Variants in TIRAP observed in about 807,000 individuals in gnomAD.
TIRAP encodes TIR domain containing adaptor protein.
A neutral mutation model predicts 19.8 loss-of-function variants in TIRAP; 20 were observed. The observed-to-expected ratio is 1.01, with a 90% CI of 0.71 to 1.47. The LOEUF is 1.47. Among genes scored for constraint, TIRAP ranks in the 40% most tolerant of loss-of-function variants. TIRAP has a pLI of 0.00. For missense variants in TIRAP, 276 were observed against 285.1 expected, an observed-to-expected ratio of 0.97 and a Z score of 0.23; for synonymous variants, 125 against 121.7, an observed-to-expected ratio of 1.03 and a Z score of -0.18.
In TIRAP at chr11:126,294,725, A is replaced by T; in HGVS notation, c.*1038A>T. The stretch of plus-strand genomic sequence containing the variant: ...CCCCCTCTCACTTCTCCCTATCATG[A>T]CCCCTCTTTTGCTGAAAAAAATTTT... On this transcript the variant is annotated 3_prime_UTR_variant, in exon 5 of 5. Coordinates refer to ENST00000392679, the MANE Select transcript of TIRAP (RefSeq NM_001318777.2). 3 of 281,272 alleles carry T rather than the reference A, an allele frequency of 1.1e-5. No homozygotes were observed. Among genetic ancestry groups the T allele is most frequent in the Non-Finnish European group, 2.1e-5 (3 of 139,600 alleles). The allele number at this position is 281,272 out of a possible 1,614,324, so 17.4% of individuals were successfully genotyped here. A position where few individuals can be genotyped will look rare whatever the true frequency, so the allele number is the denominator to read the frequency against.
At position 126,287,560 on chromosome 11, in the gene TIRAP, C is replaced by G. The variant is rs1183281277; in HGVS notation, c.-216-2902C>G. 6.6e-6 allele frequency among the ~76,000 whole-genome samples: 1 copy of G among 151,996 alleles called. No individual in the cohort carries two copies. The highest frequency in any genetic ancestry group is 6.5e-5 in the Admixed American group (1 of 15,270). ...GATCTCAAATTCCTGACCTCATGAT[C>G]CGCCCACCTCGGCCTCCCAAAGTGC... On this transcript the variant is annotated intron_variant, in intron 1 of 4. Coordinates refer to ENST00000392679, the MANE Select transcript of TIRAP (RefSeq NM_001318777.2). The surrounding 1 kb of genome is among the most constrained non-coding windows in gnomAD (Gnocchi z 4.2).
In TIRAP at chr11:126,291,204, T is replaced by C; in HGVS notation, c.67+243T>C. The C allele has an allele frequency of 1.6e-6, 1 of 616,776 alleles. No individual in the cohort carries two copies. The highest frequency in any genetic ancestry group is 1.8e-5 in the African/African-American group (1 of 54,204). 38.2% of individuals were successfully genotyped at this position (616,776 alleles called of 1,614,324 possible). A position where few individuals can be genotyped will look rare whatever the true frequency, so the allele number is the denominator to read the frequency against. The stretch of plus-strand genomic sequence containing the variant: ...GGTTTTCCAGGCCTGCTCAGCTAGC[T>C]TTCCTAGCCTGGAAACCACTGTGCT... On this transcript the variant is annotated intron_variant, in intron 3 of 4. Transcript: ENST00000392679. This position sits in a 1 kb window ranked among gnomAD's most constrained non-coding sequence, Gnocchi z 5.6.
In TIRAP at chr11:126,293,000, C is replaced by A. The variant is rs758804211; in HGVS notation, c.591C>A (p.Val197=). ...YPPELRFMYY[V]DGRGPDGGFR... is the part of the protein sequence containing the mutation. ...CTGAGCTCCGATTCATGTACTACGT[C>A]GATGGCAGGGGCCCTGATGGTGGCT... is the stretch of plus-strand genomic sequence containing the variant. Residue 197 remains valine (V), a synonymous_variant, in exon 4 of 5, where the codon GTC becomes GTA. Transcript: ENST00000392679. 3.7e-6 allele frequency: 6 copies of A among 1,614,144 alleles called. No homozygotes were observed. Among genetic ancestry groups the A allele is most frequent in the South Asian group, 1.1e-5 (1 of 91,078 alleles).
In TIRAP at chr11:126,294,550, C is replaced by T. The variant is rs1177921496; in HGVS notation, c.*863C>T. 2.2e-6 allele frequency: 1 copy of T among 456,314 alleles called. No homozygotes were observed. Among genetic ancestry groups the T allele is most frequent in the Non-Finnish European group, 4.4e-6 (1 of 226,974 alleles). 28.3% of individuals were successfully genotyped at this position (456,314 alleles called of 1,614,324 possible). A position where few individuals can be genotyped will look rare whatever the true frequency, so the allele number is the denominator to read the frequency against. ...CTGATACTTTCACAGTCACCATCTT[C>T]ACCTTTGGACTGGGAAGAATCACCA... On this transcript the variant is annotated 3_prime_UTR_variant, in exon 5 of 5. Transcript: ENST00000392679.
In TIRAP at chr11:126,290,752, G is replaced by A. The variant is rs1201341452; in HGVS notation, c.-92-51G>A. The A allele has an allele frequency of 2.8e-6, 4 of 1,436,694 alleles. No individual in the cohort carries two copies. The highest frequency in any genetic ancestry group is 5.5e-5 in the East Asian group (2 of 36,106). The allele number at this position is 1,436,694 out of a possible 1,614,324, so 89.0% of individuals were successfully genotyped here. A position where few individuals can be genotyped will look rare whatever the true frequency, so the allele number is the denominator to read the frequency against. On this transcript the variant is annotated intron_variant, in intron 2 of 4. Coordinates refer to ENST00000392679, the MANE Select transcript of TIRAP (RefSeq NM_001318777.2). This position sits in a 1 kb window ranked among gnomAD's most constrained non-coding sequence, Gnocchi z 4.9. The stretch of plus-strand genomic sequence containing the variant: ...TTCGCAGAGCTCATCCATGGGGAAT[G>A]AGAGCAGGGTAAGTGCAGCCTTTGT...
chr11:126,291,027 C>A lies in TIRAP; in HGVS notation c.67+66C>A. ...TGTAGTGCTCAGCCTCCATAGGGCG[C>A]GGTGGGAGGCCTGCCTGGTCCAAAC... On this transcript the variant is annotated intron_variant, in intron 3 of 4. Transcript: ENST00000392679. This position sits in a 1 kb window ranked among gnomAD's most constrained non-coding sequence, Gnocchi z 5.6. 1 of 1,523,990 alleles carries A rather than the reference C, an allele frequency of 6.6e-7. No homozygotes were observed. The highest frequency in any genetic ancestry group is 8.8e-7 in the Non-Finnish European group (1 of 1,131,586). The allele number at this position is 1,523,990 out of a possible 1,614,324, so 94.4% of individuals were successfully genotyped here.
chr11:126,285,512 G>A (rs958393826), intron 1 of TIRAP, among the ~76,000 whole-genome samples: 1 of 151,192 alleles, frequency 6.6e-6, no homozygotes, highest in East Asian at 2.0e-4. Flanking sequence ...CGCCCGCCTC[G>A]GCCTCCCAAA....
chr11:126,287,332 A>G lies in TIRAP; in HGVS notation c.-216-3130A>G, dbSNP rs12808955. 7.1e-6 allele frequency among the ~76,000 whole-genome samples: 1 copy of G among 141,622 alleles called. No homozygotes were observed. The highest frequency in any genetic ancestry group is 2.0e-4 in the East Asian group (1 of 4,932). 92.9% of individuals were successfully genotyped at this position (141,622 alleles called of 152,430 possible). ...ATACACTTTGGATTTTTTTTTTTTTATTTTTGAGACTTGAGTCTTGCTCTG... is the reference window on the plus strand; with the variant it reads ...ATACACTTTGGATTTTTTTTTTTTTGTTTTTGAGACTTGAGTCTTGCTCTG... On this transcript the variant is annotated intron_variant, in intron 1 of 4. Transcript: ENST00000392679. This position sits in a 1 kb window ranked among gnomAD's most constrained non-coding sequence, Gnocchi z 4.2.
chr11:126,289,013 C>T (rs1189832981), intron 1 of TIRAP, among the ~76,000 whole-genome samples: 2 of 152,186 alleles, frequency 1.3e-5, no homozygotes, highest in East Asian at 1.9e-4. Context: ...AAATCCCAAG[C>T]ATATTAGGAA....
intron 1 of TIRAP, among the ~76,000 whole-genome samples, chr11:126,285,423 A>C (rs1358794892): frequency 6.6e-6 from 1 of 151,302 alleles, no homozygotes; most frequent in African/African-American, 2.4e-5. Context: ...CACCACACCC[A>C]GCTAATTTTT....
rs565039182 is a variant in TIRAP at position 126,294,746 on chromosome 11, A to G, written c.*1059A>G. On this transcript the variant is annotated 3_prime_UTR_variant, in exon 5 of 5. Coordinates refer to ENST00000392679, the MANE Select transcript of TIRAP (RefSeq NM_001318777.2). ...CATGACCCCTCTTTTGCTGAAAAAA[A>G]TTTTTATTATTTTTTCTATCTCTAG... 3.5e-6 allele frequency: 1 copy of G among 288,638 alleles called. No individual in the cohort carries two copies. Among genetic ancestry groups the G allele is most frequent in the Admixed American group, 4.8e-5 (1 of 20,884 alleles). 17.9% of individuals were successfully genotyped at this position (288,638 alleles called of 1,614,324 possible).
chr11:126,293,526 T>C, intron 4 of TIRAP, 142 bp from the exon 5 acceptor site: 2 of 990,738 alleles, frequency 2.0e-6, no homozygotes. Context: ...AAGAAGTGCA[T>C]ATAAGTGTAT....
rs1452870765 is a variant in TIRAP, at chr11:126,288,333, C to CCAACT, written c.-216-2127_-216-2126insACTCA. The CCAACT allele has an allele frequency of 6.6e-6, 1 of 152,204 alleles. No homozygotes were observed. The allele number at this position is 152,204 out of a possible 1,614,324, so 9.4% of individuals were successfully genotyped here. A position where few individuals can be genotyped will look rare whatever the true frequency, so the allele number is the denominator to read the frequency against. On this transcript the variant is annotated intron_variant, in intron 1 of 4. Coordinates refer to ENST00000392679, the MANE Select transcript of TIRAP (RefSeq NM_001318777.2). The surrounding 1 kb of genome is among the most constrained non-coding windows in gnomAD (Gnocchi z 5.0). ...TAGGCAGAGCTAGTGAGTAGAGCTT[C>CCAACT]CAGTTGGAGATTTGGGTTCATTACC...
rs1268282593 is a variant in TIRAP at position 126,292,686 on chromosome 11, A to G, written c.277A>G (p.Ser93Gly). 6.8e-6 allele frequency: 11 copies of G among 1,613,980 alleles called. No individual in the cohort carries two copies. Among genetic ancestry groups the G allele is most frequent in the South Asian group, 4.4e-5 (4 of 91,048 alleles). The stretch of plus-strand genomic sequence containing the variant: ...AGACTATGACGTCTGCGTGTGCCAC[A>G]GTGAGGAAGACCTGGTGGCCGCCCA... ...SKDYDVCVCH[S>G]EEDLVAAQDL... The change falls in exon 4 of 5, where the codon AGT becomes GGT. Residue 93 changes from serine (S) to glycine (G), a missense_variant. Ser to Gly is a moderately conservative substitution (Grantham distance 56). Transcript: ENST00000392679.
chr11:126,293,490 A>T, intron 4 of TIRAP, 178 bp from the exon 5 acceptor site: 1 of 819,936 alleles, frequency 1.2e-6, no homozygotes, highest in Non-Finnish European at 2.1e-6. Flanking sequence ...TGGTTTAGTA[A>T]GGCAAAATGA....
Position 126,294,402 on chromosome 11 carries a change from G to C in TIRAP, c.*715G>C, listed in dbSNP as rs1591375330. 1.9e-4 allele frequency: 76 copies of C among 409,842 alleles called. 2 individuals are homozygous for C. Among genetic ancestry groups the C allele is most frequent in the South Asian group, 1.3e-3 (71 of 56,780 alleles). The allele number at this position is 409,842 out of a possible 1,614,324, so 25.4% of individuals were successfully genotyped here. A position where few individuals can be genotyped will look rare whatever the true frequency, so the allele number is the denominator to read the frequency against. Reference sequence around the variant, plus strand: ...AGAGGCCATTCTGAATATGGGGGTGGGGTGGTGGAGGGAGCAAGTGAAGAG... The same window carrying C: ...AGAGGCCATTCTGAATATGGGGGTGCGGTGGTGGAGGGAGCAAGTGAAGAG... On this transcript the variant is annotated 3_prime_UTR_variant, in exon 5 of 5. Coordinates refer to ENST00000392679, the MANE Select transcript of TIRAP (RefSeq NM_001318777.2).
chr11:126,292,820 G>C lies in TIRAP; in HGVS notation c.411G>C (p.Leu137=), dbSNP rs1471743323. 1 of 1,612,908 alleles carries C rather than the reference G, an allele frequency of 6.2e-7. No individual in the cohort carries two copies. Among genetic ancestry groups the C allele is most frequent in the East Asian group, 2.2e-5 (1 of 44,670 alleles). The change falls in exon 4 of 5, where the codon CTG becomes CTC. Residue 137 remains leucine, a synonymous_variant. Coordinates refer to ENST00000392679, the MANE Select transcript of TIRAP (RefSeq NM_001318777.2). The part of the protein sequence containing the change: ...GAIVSELCQA[L]SSSHCRVLLI... ...TAGTGTCCGAGCTGTGCCAGGCACT[G>C]AGCAGTAGTCACTGCCGGGTGCTGC...
At chr11:126,285,299 T>C (rs971446446) in intron 1 of TIRAP, among the ~76,000 whole-genome samples, 1 of 150,148 alleles carries the variant, frequency 6.7e-6, no homozygotes, top group African/African-American at 2.4e-5. Context: ...GGAGTCTCTG[T>C]CACCCAGGCT....
At position 126,291,660 on chromosome 11, in the gene TIRAP, CCAAA is replaced by C. The variant is rs1951389963; in HGVS notation, c.67+702_67+705del. On this transcript the variant is annotated intron_variant, in intron 3 of 4. Transcript: ENST00000392679. This position sits in a 1 kb window ranked among gnomAD's most constrained non-coding sequence, Gnocchi z 5.6. ...AGCGACAATCTAGGATTTCTTGGGG[CCAAA>C]CAGATGCCAGTCCTCCGTACCCCTT... 3 of 402,372 alleles carry C rather than the reference CCAAA, an allele frequency of 7.5e-6. No individual in the cohort carries two copies. The highest frequency in any genetic ancestry group is 3.6e-5 in the South Asian group (2 of 55,508). The allele number at this position is 402,372 out of a possible 1,614,324, so 24.9% of individuals were successfully genotyped here. A position where few individuals can be genotyped will look rare whatever the true frequency, so the allele number is the denominator to read the frequency against.
Sources: allele counts gnomAD v4.1 joint callset (sites outside exome capture counted in the v4.1 genomes callset), GRCh38; gene constraint gnomAD v4.1.1; non-coding constraint Gnocchi (gnomAD v3.1); transcripts MANE v1.5; gene names NCBI Gene and HGNC (gene_info 2026-07-23, HGNC 2026-07-21).